The following SLC38A3 variants were observed in gnomAD, a reference collection of about 807,000 sequenced individuals.
SLC38A3 encodes sodium-coupled neutral amino acid transporter 3.
SLC38A3 carries 17 observed loss-of-function variants against 59.5 expected under a neutral mutation model. The ratio of observed to expected loss-of-function variants is 0.29; its 90% CI spans 0.20 to 0.43. The LOEUF is 0.43. Among genes scored for constraint, SLC38A3 ranks in the 20% least tolerant of loss-of-function variants. The probability of loss-of-function intolerance (pLI) is 1.00; values close to 1 mark genes in which losing one functional copy is unlikely to be tolerated. For missense variants in SLC38A3, 454 were observed against 653.9 expected (o/e 0.69, Z 3.33); for synonymous variants, 238 against 260.3 (o/e 0.91, Z 0.82).
chr3:50,214,845 G>A lies in SLC38A3; in HGVS notation c.299+77G>A. 6.4e-6 allele frequency: 6 copies of A among 935,896 alleles called. No homozygotes were observed. Among genetic ancestry groups the A allele is most frequent in the Non-Finnish European group, 1.7e-6 (1 of 596,136 alleles). 58.0% of individuals were successfully genotyped at this position (935,896 alleles called of 1,614,324 possible). ...AATCATGACCTCCCAGGACCCGCCA[G>A]TTCCCTGTCCCAGCATCCAGGCTGC... On this transcript the variant is annotated intron_variant, in intron 4 of 15. Transcript: ENST00000614032. The surrounding 1 kb of genome is among the most constrained non-coding windows in gnomAD (Gnocchi z 6.0).
intron 1 of SLC38A3, among the ~76,000 whole-genome samples, chr3:50,206,538 A>T (rs1184820901): frequency 1.3e-5 from 2 of 152,240 alleles, no homozygotes; most frequent in African/African-American, 4.8e-5. Context: ...AAGAGACCCA[A>T]AGATGGTTCC....
rs752897089 is a variant in SLC38A3 at position 50,214,452 on chromosome 3, A to G, written c.152A>G (p.Lys51Arg). The change falls in exon 3 of 16, where the codon AAA becomes AGA. Residue 51 changes from lysine (K) to arginine (R), a missense_variant. Physicochemically the swap from Lys to Arg is conservative, Grantham distance 26. Coordinates refer to ENST00000614032, the MANE Select transcript of SLC38A3 (RefSeq NM_006841.6). This position sits in a 1 kb window ranked among gnomAD's most constrained non-coding sequence, Gnocchi z 6.0. ...ATGGAGGGCAAGAGCTTCCTACAGA[A>G]AAGTCCCAGCAAGGAGCCACACTTC... ...SCMEGKSFLQ[K>R]SPSKEPHFTD... 7.6e-6 allele frequency: 12 copies of G among 1,573,564 alleles called. No homozygotes were observed. Among genetic ancestry groups the G allele is most frequent in the Non-Finnish European group, 1.0e-5 (12 of 1,159,710 alleles).
intron 7 of SLC38A3, among the ~76,000 whole-genome samples, chr3:50,216,516 C>T (rs953784761): frequency 3.9e-5 from 6 of 152,182 alleles, no homozygotes; most frequent in African/African-American, 9.7e-5. Context: ...CAGAAGGAAC[C>T]GCAAGGAGCA....
chr3:50,208,283 G>C (rs1171476458), intron 1 of SLC38A3, among the ~76,000 whole-genome samples: 1 of 134,278 alleles, frequency 7.4e-6, no homozygotes, highest in East Asian at 2.2e-4. Context: ...TTTTTTTTGA[G>C]ATAGGGTCTC....
At chr3:50,209,961 TG>T (rs1352839735) in intron 1 of SLC38A3, among the ~76,000 whole-genome samples, 1 of 152,168 alleles carries the variant, frequency 6.6e-6, no homozygotes, top group Non-Finnish European at 1.5e-5. Flanking sequence ...CATGAAAACA[TG>T]GGTCTAGAGG....
chr3:50,211,883 C>T (rs572090676), intron 1 of SLC38A3, among the ~76,000 whole-genome samples: 9 of 152,206 alleles, frequency 5.9e-5, no homozygotes, highest in East Asian at 3.9e-4. Context: ...CCACTGCGCC[C>T]GGCACCCCCA....
chr3:50,217,488 A>C lies in SLC38A3; in HGVS notation c.690+15A>C, dbSNP rs1383294724. 1 of 1,612,276 alleles carries C rather than the reference A, an allele frequency of 6.2e-7. No individual in the cohort carries two copies. The highest frequency in any genetic ancestry group is 1.1e-5 in the South Asian group (1 of 90,744). On this transcript the variant is annotated intron_variant, in intron 9 of 15. Transcript: ENST00000614032. The surrounding 1 kb of genome is among the most constrained non-coding windows in gnomAD (Gnocchi z 4.9). Reference sequence around the variant, plus strand: ...TCCTAATTGCAGTGAGTCACCCTCCATGTTGGCTGAGAAAGCGGGCAGCGG... The same window carrying C: ...TCCTAATTGCAGTGAGTCACCCTCCCTGTTGGCTGAGAAAGCGGGCAGCGG...
In SLC38A3 at chr3:50,214,229, G is replaced by A. The variant is rs755089083; in HGVS notation, c.30G>A (p.Val10=). MEAPLQTEM[V]ELVPNGKHSE... The stretch of plus-strand genomic sequence containing the variant: ...AGGCGCCTTTGCAGACAGAGATGGT[G>A]GAGCTGGTGCCCAATGGCAAACACT... Residue 10 remains valine (V), a synonymous_variant, in exon 2 of 16, where the codon GTG becomes GTA. Transcript: ENST00000614032. The surrounding 1 kb of genome is among the most constrained non-coding windows in gnomAD (Gnocchi z 6.0). The A allele has an allele frequency of 6.2e-6, 10 of 1,613,870 alleles. No homozygotes were observed. Among genetic ancestry groups the A allele is most frequent in the Middle Eastern group, 1.7e-4 (1 of 6,044 alleles).
In SLC38A3 at chr3:50,214,765, TCCTGTGA is replaced by T; in HGVS notation, c.297_299+4del. On this transcript the variant is annotated splice_donor_variant and splice_donor_region_variant and coding_sequence_variant and intron_variant, in exon 4 of 16. Coordinates refer to ENST00000614032, the MANE Select transcript of SLC38A3 (RefSeq NM_006841.6). LOFTEE classifies it high-confidence loss of function. The surrounding 1 kb of genome is among the most constrained non-coding windows in gnomAD (Gnocchi z 6.0). ...ATGGCCAATACGGGCATTATCCTTT[TCCTGTGA>T]GTGCCCTCAGAGAAACTTCTAAAGA... 6.3e-7 allele frequency: 1 copy of T among 1,597,010 alleles called. No homozygotes were observed. Among genetic ancestry groups the T allele is most frequent in the Non-Finnish European group, 8.6e-7 (1 of 1,166,496 alleles).
At position 50,218,502 on chromosome 3, in the gene SLC38A3, C is replaced by T; in HGVS notation, c.1037-91C>T. The stretch of plus-strand genomic sequence containing the variant: ...GCCGCTGTGGAGGTGAGTCTGCATG[C>T]CAATCCCCACAGTGTTGGGGTCCCC... On this transcript the variant is annotated intron_variant, in intron 12 of 15. Coordinates refer to ENST00000614032, the MANE Select transcript of SLC38A3 (RefSeq NM_006841.6). This position sits in a 1 kb window ranked among gnomAD's most constrained non-coding sequence, Gnocchi z 5.8. 1.3e-6 allele frequency: 2 copies of T among 1,582,876 alleles called. No individual in the cohort carries two copies. Among genetic ancestry groups the T allele is most frequent in the Non-Finnish European group, 1.7e-6 (2 of 1,160,980 alleles).
chr3:50,205,775 C>T (rs113570799), intron 1 of SLC38A3, among the ~76,000 whole-genome samples: 3 of 152,246 alleles, frequency 2.0e-5, no homozygotes, highest in South Asian at 2.1e-4. Context: ...TGGAGCAGTC[C>T]CTGGAGCGCT....
In SLC38A3 at chr3:50,220,249, C is replaced by A; in HGVS notation, c.*72C>A. The A allele has an allele frequency of 4.3e-6, 5 of 1,168,900 alleles. No homozygotes were observed. Among genetic ancestry groups the A allele is most frequent in the Non-Finnish European group, 6.2e-6 (5 of 805,862 alleles). The allele number at this position is 1,168,900 out of a possible 1,614,324, so 72.4% of individuals were successfully genotyped here. A position where few individuals can be genotyped will look rare whatever the true frequency, so the allele number is the denominator to read the frequency against. On this transcript the variant is annotated 3_prime_UTR_variant, in exon 16 of 16. Coordinates refer to ENST00000614032, the MANE Select transcript of SLC38A3 (RefSeq NM_006841.6). ...AGACTCTTCAGCCCCTGCTCCCATCCAGTGGCCAGTCGGGGGAGGAGAAAG... is the reference window on the plus strand; with the variant it reads ...AGACTCTTCAGCCCCTGCTCCCATCAAGTGGCCAGTCGGGGGAGGAGAAAG...
At chr3:50,209,554 C>G (rs1699695455) in intron 1 of SLC38A3, among the ~76,000 whole-genome samples, 1 of 151,218 alleles carries the variant, frequency 6.6e-6, no homozygotes, top group Admixed American at 6.6e-5. Context: ...GAAGCTGAGG[C>G]AGGAGAAAGG....
chr3:50,218,409 G>A lies in SLC38A3; in HGVS notation c.1036+39G>A. On this transcript the variant is annotated intron_variant, in intron 12 of 15. Transcript: ENST00000614032. The surrounding 1 kb of genome is among the most constrained non-coding windows in gnomAD (Gnocchi z 5.8). ...GGTGGGCAGAGGCCTAGGCTAGGCT[G>A]GGGGGAAGGGGCTGGTTGTGGCCAT... is the stretch of plus-strand genomic sequence containing the variant. The A allele has an allele frequency of 6.5e-7, 1 of 1,540,852 alleles. No homozygotes were observed.
intron 1 of SLC38A3, among the ~76,000 whole-genome samples, chr3:50,210,251 G>A (rs1343638069): frequency 4.6e-5 from 7 of 152,140 alleles, no homozygotes; most frequent in Non-Finnish European, 1.5e-5. Flanking sequence ...CAGCCAAGGA[G>A]GGGAGTGGTA....
Position 50,220,103 on chromosome 3 carries a change from C to A in SLC38A3, c.1441C>A (p.Leu481Met), listed in dbSNP as rs587595868. The A allele has an allele frequency of 2.1e-5, 34 of 1,607,432 alleles. No individual in the cohort carries two copies. The African/African-American group carries it at 2.8e-4, about 13-fold the overall frequency. Reference sequence around the variant, plus strand: ...GTGTTTTGCTATGCTTGGCTTCTTGCTGATGACCATGAGCTTGAGCTTCAT... The same window carrying A: ...GTGTTTTGCTATGCTTGGCTTCTTGATGATGACCATGAGCTTGAGCTTCAT... ...ALCFAMLGFLLMTMSLSFIII... is the reference protein window; with the variant it reads ...ALCFAMLGFLMMTMSLSFIII... Residue 481 changes from leucine (L) to methionine (M), a missense_variant, in exon 16 of 16, where the codon CTG becomes ATG. By Grantham distance (15) the Leu-to-Met change is conservative. This residue lies in a region of SLC38A3 where 59 missense variants were observed against 70.8 expected (regional missense o/e 0.83). Transcript: ENST00000614032.
chr3:50,217,456 G>T lies in SLC38A3; in HGVS notation c.673G>T (p.Val225Leu), dbSNP rs1349514462. The T allele has an allele frequency of 6.2e-7, 1 of 1,613,450 alleles. No individual in the cohort carries two copies. The highest frequency in any genetic ancestry group is 8.5e-7 in the Non-Finnish European group (1 of 1,179,648). The change falls in exon 9 of 16, where the codon GTG becomes TTG. Residue 225 changes from valine (V) to leucine (L), a missense_variant. Transcript: ENST00000614032. The surrounding 1 kb of genome is among the most constrained non-coding windows in gnomAD (Gnocchi z 4.9). Reference protein sequence around the residue: ...YSSGFSLSCMVFFLIAVIYKK... With the variant: ...YSSGFSLSCMLFFLIAVIYKK... ...CAGCGGCTTCTCTCTTAGCTGCATGGTGTTCTTCCTAATTGCAGTGAGTCA... is the reference window on the plus strand; with the variant it reads ...CAGCGGCTTCTCTCTTAGCTGCATGTTGTTCTTCCTAATTGCAGTGAGTCA...
intron 1 of SLC38A3, among the ~76,000 whole-genome samples, chr3:50,212,948 C>G (rs1387684102): frequency 6.6e-6 from 1 of 152,106 alleles, no homozygotes; most frequent in Non-Finnish European, 1.5e-5. Context: ...GCCCCCCTCA[C>G]TGGTCTCCAC....
rs1375012481 is a variant in SLC38A3, at chr3:50,218,838, A to T, written c.1196A>T (p.Asn399Ile). 6.2e-7 allele frequency: 1 copy of T among 1,612,158 alleles called. No individual in the cohort carries two copies. Among genetic ancestry groups the T allele is most frequent in the African/African-American group, 1.3e-5 (1 of 74,932 alleles). ...GCCATCCAGCAGATGCTGTTTCCAA[A>T]CCAGGAGTTCAGCTGGCTGCGGCAT... ...RRAIQQMLFP[N>I]QEFSWLRHVL... The change falls in exon 14 of 16, where the codon AAC (asparagine) becomes ATC (isoleucine). Residue 399 changes from asparagine to isoleucine, a missense_variant. By Grantham distance (149) the Asn-to-Ile change is moderately radical. Coordinates refer to ENST00000614032, the MANE Select transcript of SLC38A3 (RefSeq NM_006841.6). This position sits in a 1 kb window ranked among gnomAD's most constrained non-coding sequence, Gnocchi z 5.8.
Sources: gnomAD v4.1 joint callset for allele counts (sites outside exome capture counted in the v4.1 genomes callset) on GRCh38, gnomAD v4.1.1 for gene constraint, gnomAD v4.1.1 regional missense constraint, Gnocchi (gnomAD v3.1) non-coding constraint, MANE v1.5 for transcripts, NCBI Gene and HGNC (gene_info 2026-07-23, HGNC 2026-07-21) for gene names.